ARRDC5: variants seen among roughly 807,000 people sequenced by gnomAD.
ARRDC5 encodes the protein arrestin domain containing 5.
ARRDC5 carries 12 observed loss-of-function variants against 13.3 expected under a neutral mutation model. The observed-to-expected ratio is 0.90, with a 90% confidence interval of 0.58 to 1.46. The LOEUF (loss-of-function observed/expected upper bound fraction) is 1.46, where lower values mean the gene tolerates loss of function less well. Among genes scored for constraint, ARRDC5 ranks in the 40% most tolerant of loss-of-function variants. The pLI, the probability that ARRDC5 is intolerant of heterozygous loss-of-function variation, is 0.00. For missense variants in ARRDC5, 406 were observed against 418.7 expected (o/e 0.97, Z 0.26); for synonymous variants, 181 against 173.4 (o/e 1.04, Z -0.34).
intron 1 of ARRDC5, among the ~76,000 whole-genome samples, chr19:4,900,120 C>T (rs2146256471): frequency 7.0e-6 from 1 of 143,676 alleles, no homozygotes; most frequent in South Asian, 2.2e-4. Context: ...GCCCGGCCAG[C>T]AGTCTTTTTT....
upstream of ARRDC5, among the ~76,000 whole-genome samples, chr19:4,904,977 G>T (rs2032035003): frequency 6.6e-6 from 1 of 151,970 alleles, no homozygotes; most frequent in Non-Finnish European, 1.5e-5. Context: ...GCTGTATCTT[G>T]CATTATTTTA....
chr19:4,913,252 CTTTT>C, the ARRDC5 span, among the ~76,000 whole-genome samples: 1 of 111,200 alleles, frequency 9.0e-6, no homozygotes, highest in Non-Finnish European at 1.7e-5. Context: ...GTACATTGTG[CTTTT>C]TTTTTTTTTT....
At chr19:4,916,654 C>G in the ARRDC5 span, among the ~76,000 whole-genome samples, 3 of 152,070 alleles carry the variant, frequency 2.0e-5, no homozygotes, top group South Asian at 4.1e-4. Flanking sequence ...CCGCCGCCCC[C>G]TCTTGTGGGT....
chr19:4,900,306 C>T (rs1406009977), intron 1 of ARRDC5, among the ~76,000 whole-genome samples: 2 of 151,662 alleles, frequency 1.3e-5, no homozygotes, highest in African/African-American at 2.4e-5. Context: ...TTAGTAGAGA[C>T]GGGGTTTCAC....
chr19:4,896,246 C>T (rs1233619878), intron 2 of ARRDC5, among the ~76,000 whole-genome samples: 6 of 136,140 alleles, frequency 4.4e-5, no homozygotes, highest in Middle Eastern at 3.6e-3. Flanking sequence ...ACCTGGGAGG[C>T]GGAGGTTACA....
At position 4,891,192 on chromosome 19, in the gene ARRDC5, G is replaced by C; in HGVS notation, c.841C>G (p.Leu281Val). The change falls in exon 3 of 3, where the codon CTG becomes GTG. Residue 281 changes from leucine to valine, a missense_variant. Transcript: ENST00000650722. ...CAGGGCAGGTGCACGGTGGTGACCAGCTCGTAGCGAGTGTGCATGATCTCA... is the reference window on the plus strand; with the variant it reads ...CAGGGCAGGTGCACGGTGGTGACCACCTCGTAGCGAGTGTGCATGATCTCA... ...DGEIMHTRYE[L>V]VTTVHLPWSL... 3 of 1,613,968 alleles carry C rather than the reference G, an allele frequency of 1.9e-6. No individual in the cohort carries two copies. Among genetic ancestry groups the C allele is most frequent in the Middle Eastern group, 1.6e-4 (1 of 6,062 alleles).
chr19:4,908,282 C>T, the ARRDC5 span, among the ~76,000 whole-genome samples: 12 of 152,098 alleles, frequency 7.9e-5, no homozygotes, highest in African/African-American at 1.9e-4. Context: ...TGATCTGTCT[C>T]CTATATTAGG....
At chr19:4,909,379 C>T in the ARRDC5 span, 1 of 623,414 alleles carries the variant, frequency 1.6e-6, no homozygotes, top group Non-Finnish European at 2.9e-6. Flanking sequence ...CGGGGGCGCC[C>T]CCCACCCTCT....
intron 1 of ARRDC5, among the ~76,000 whole-genome samples, chr19:4,901,390 C>T (rs377374585): frequency 1.1e-4 from 16 of 152,002 alleles, no homozygotes; most frequent in African/African-American, 3.1e-4. Flanking sequence ...CCGAGGTGGG[C>T]GAATCACGAG....
the ARRDC5 span, chr19:4,909,831 G>A: frequency 7.3e-6 from 3 of 409,358 alleles, no homozygotes; most frequent in African/African-American, 2.1e-5. Flanking sequence ...GCACACATCC[G>A]GCTGGAGCCG....
chr19:4,915,632 C>T, the ARRDC5 span, among the ~76,000 whole-genome samples: 1 of 151,988 alleles, frequency 6.6e-6, no homozygotes, highest in South Asian at 2.1e-4. Context: ...TCGCTTGAAC[C>T]TGGGAGGTGG....
chr19:4,894,489 C>T (rs1311976450), intron 2 of ARRDC5, among the ~76,000 whole-genome samples: 9 of 114,948 alleles, frequency 7.8e-5, no homozygotes, highest in Non-Finnish European at 1.6e-4. Context: ...CCAGCCTGGG[C>T]GACAGAGCGA....
At chr19:4,895,949 A>G (rs1324628131) in intron 2 of ARRDC5, among the ~76,000 whole-genome samples, 1 of 152,188 alleles carries the variant, frequency 6.6e-6, no homozygotes, top group Non-Finnish European at 1.5e-5. Flanking sequence ...GACATTGCCA[A>G]ATGTCCCTTA....
the ARRDC5 span, among the ~76,000 whole-genome samples, chr19:4,912,099 A>G: frequency 3.9e-5 from 6 of 152,196 alleles, no homozygotes; most frequent in African/African-American, 1.2e-4. Flanking sequence ...GACCTTCATT[A>G]GCCCTCTTCC....
intron 1 of ARRDC5, among the ~76,000 whole-genome samples, chr19:4,899,201 A>C (rs2031831806): frequency 6.6e-6 from 1 of 151,370 alleles, no homozygotes; most frequent in Admixed American, 6.7e-5. Context: ...AGTCCCAGCT[A>C]CTCGGGAGGC....
At chr19:4,910,106 C>CGGGG in the ARRDC5 span, 1 of 150,854 alleles carries the variant, frequency 6.6e-6, no homozygotes, top group Admixed American at 6.6e-5. Flanking sequence ...ACTTGACGAG[C>CGGGG]GGGGGCCCCC....
At chr19:4,915,372 A>G in the ARRDC5 span, among the ~76,000 whole-genome samples, 1 of 152,188 alleles carries the variant, frequency 6.6e-6, no homozygotes, top group Non-Finnish European at 1.5e-5. Context: ...GCTGTAGACA[A>G]TCTGTAAACC....
chr19:4,894,694 AAGAAG>A (rs746158553), intron 2 of ARRDC5, among the ~76,000 whole-genome samples: 6 of 137,660 alleles, frequency 4.4e-5, no homozygotes, highest in Non-Finnish European at 1.6e-5. Context: ...AAAAAAAAAA[AAGAAG>A]AAGAAGGAGA....
chr19:4,894,319 G>C (rs1469027622), intron 2 of ARRDC5, among the ~76,000 whole-genome samples: 1 of 150,968 alleles, frequency 6.6e-6, no homozygotes, highest in Non-Finnish European at 1.5e-5. Flanking sequence ...AGACCATCCC[G>C]GCTAAAACGG....
Sources: gnomAD v4.1 joint callset for allele counts (sites outside exome capture counted in the v4.1 genomes callset) on GRCh38, gnomAD v4.1.1 for gene constraint, MANE v1.5 for transcripts, NCBI Gene and HGNC (gene_info 2026-07-23, HGNC 2026-07-21) for gene names.